DLC1: variants seen among roughly 807,000 people sequenced by gnomAD.
The protein encoded by DLC1 is rho GTPase-activating protein 7.
In DLC1, 54 loss-of-function variants were observed where a neutral mutation model predicts 140.3. The observed-to-expected ratio is 0.38, with a 90% CI of 0.31 to 0.48. The LOEUF is 0.48. Ranked by LOEUF, DLC1 falls within the 20% of genes least tolerant of loss-of-function variation. The probability of loss-of-function intolerance (pLI) is 0.96; values close to 1 mark genes in which losing one functional copy is unlikely to be tolerated. For synonymous variants in DLC1, 986 were observed against 728.1 expected (o/e 1.35, Z -5.70); for missense variants, 2,536 against 1,907.0 (o/e 1.33, Z -6.14).
At chr8:13,184,302 T>C (rs924376510) in intron 5 of DLC1, among the ~76,000 whole-genome samples, 5 of 152,008 alleles carry the variant, frequency 3.3e-5, no homozygotes, top group African/African-American at 1.2e-4. Flanking sequence ...GGGTTTTTTG[T>C]GTCTCTATCT....
chr8:13,456,638 T>A (rs1441419647), intron 2 of DLC1, among the ~76,000 whole-genome samples: 1 of 152,052 alleles, frequency 6.6e-6, no homozygotes, highest in Non-Finnish European at 1.5e-5. Context: ...TTTGTATTTT[T>A]AGTAGAGATG....
At chr8:13,279,224 C>A (rs147249662) in intron 5 of DLC1, among the ~76,000 whole-genome samples, 3 of 152,160 alleles carry the variant, frequency 2.0e-5, no homozygotes, top group Non-Finnish European at 2.9e-5. Context: ...CCAAGAGAAC[C>A]AAGGTCTGGT....
intron 2 of DLC1, among the ~76,000 whole-genome samples, chr8:13,419,483 TG>T (rs1034840022): frequency 6.6e-6 from 1 of 152,234 alleles, no homozygotes; most frequent in Non-Finnish European, 1.5e-5. Flanking sequence ...ATGTGGTTTT[TG>T]TCTTTGTTTC....
intron 1 of DLC1, among the ~76,000 whole-genome samples, chr8:13,569,190 T>C (rs548572836): frequency 6.6e-6 from 1 of 152,268 alleles, no homozygotes; most frequent in Admixed American, 6.5e-5. Context: ...TATAAAAATA[T>C]AAAACCATGG....
chr8:13,575,925 G>C (rs547155253), intron 1 of DLC1, among the ~76,000 whole-genome samples: 1 of 152,142 alleles, frequency 6.6e-6, no homozygotes, highest in Non-Finnish European at 1.5e-5. Flanking sequence ...TATCTGTGTG[G>C]CAAGAGAGTC....
intron 4 of DLC1, among the ~76,000 whole-genome samples, chr8:13,354,225 C>G: frequency 6.6e-6 from 1 of 152,054 alleles, no homozygotes; most frequent in East Asian, 1.9e-4. Context: ...ATGACTTTTT[C>G]TAGGAAGCCT....
chr8:13,564,506 A>T (rs562908976), intron 1 of DLC1, among the ~76,000 whole-genome samples: 4 of 152,180 alleles, frequency 2.6e-5, no homozygotes, highest in Non-Finnish European at 5.9e-5. Context: ...TCTCTCTTAT[A>T]CTTAAACTAG....
In DLC1 at chr8:13,321,265, C is replaced by T. The variant is rs375144588; in HGVS notation, c.1315-15963G>A. On this transcript the variant is annotated intron_variant, in intron 4 of 17. Transcript: ENST00000276297. ...ATTCAAAAATGAAATACTGGCCCGG[C>T]GCAATGGCTCATGCCTGTAATCTCA... 3.9e-3 allele frequency among the ~76,000 whole-genome samples: 588 copies of T among 152,200 alleles called. 4 individuals are homozygous for T. Among genetic ancestry groups the T allele is most frequent in the African/African-American group, 0.013 (534 of 41,530 alleles).
intron 4 of DLC1, among the ~76,000 whole-genome samples, chr8:13,387,695 A>G (rs1272452447): frequency 6.6e-6 from 1 of 152,106 alleles, no homozygotes; most frequent in Non-Finnish European, 1.5e-5. Flanking sequence ...AGTTGGAACA[A>G]ATGCAAATGA....
At chr8:13,286,495 A>G (rs186194126) in intron 5 of DLC1, among the ~76,000 whole-genome samples, 88 of 152,322 alleles carry the variant, frequency 5.8e-4, no homozygotes, top group Middle Eastern at 3.4e-3. Flanking sequence ...TTATAAAAGT[A>G]TAAAAACATG....
At chr8:13,601,635 G>T (rs921948886) in intron 1 of DLC1, among the ~76,000 whole-genome samples, 1 of 132,504 alleles carries the variant, frequency 7.5e-6, no homozygotes, top group African/African-American at 2.8e-5. Flanking sequence ...TAAAGAGCCA[G>T]GATAATAGAC....
chr8:13,403,450 C>G (rs1837385580), intron 2 of DLC1, among the ~76,000 whole-genome samples: 2 of 152,172 alleles, frequency 1.3e-5, no homozygotes, highest in Non-Finnish European at 2.9e-5. Context: ...CCAGTAATCA[C>G]TCTTCCCATG....
At chr8:13,315,708 A>C (rs1832838770) in intron 4 of DLC1, among the ~76,000 whole-genome samples, 1 of 151,950 alleles carries the variant, frequency 6.6e-6, no homozygotes, top group African/African-American at 2.4e-5. Flanking sequence ...CATCCCCCTC[A>C]CCCAGCTTTC....
At chr8:13,569,396 CTTAG>C (rs1804568203) in intron 1 of DLC1, among the ~76,000 whole-genome samples, 1 of 152,054 alleles carries the variant, frequency 6.6e-6, no homozygotes, top group East Asian at 1.9e-4. Context: ...CATATTTCCC[CTTAG>C]TAAGTCATTC....
chr8:13,284,292 C>T (rs1831465319), intron 5 of DLC1, among the ~76,000 whole-genome samples: 1 of 152,134 alleles, frequency 6.6e-6, no homozygotes, highest in South Asian at 2.1e-4. Flanking sequence ...TTTGGGAGGC[C>T]AAGGCGAGTG....
At chr8:13,139,654 A>C (rs1185182077) in intron 5 of DLC1, among the ~76,000 whole-genome samples, 1 of 152,188 alleles carries the variant, frequency 6.6e-6, no homozygotes, top group Non-Finnish European at 1.5e-5. Context: ...TTCCTTTTAA[A>C]GGCTATTTTA....
At chr8:13,500,314 T>G in intron 1 of DLC1, 118 bp from the exon 2 acceptor site, 1 of 385,620 alleles carries the variant, frequency 2.6e-6, no homozygotes. Flanking sequence ...ATAAAGCTTC[T>G]GTTTAGTAGC....
intron 2 of DLC1, among the ~76,000 whole-genome samples, chr8:13,481,200 G>T (rs1425570257): frequency 2.0e-5 from 3 of 152,138 alleles, no homozygotes; most frequent in Non-Finnish European, 4.4e-5. Context: ...CAAGGCAGCT[G>T]GATCACTTGA....
At chr8:13,345,324 G>A (rs1010130541) in intron 4 of DLC1, among the ~76,000 whole-genome samples, 3 of 151,960 alleles carry the variant, frequency 2.0e-5, no homozygotes, top group African/African-American at 4.8e-5. Context: ...GAAGAGAGTC[G>A]ATTCAATTCC....
Sources: allele counts gnomAD v4.1 joint callset (sites outside exome capture counted in the v4.1 genomes callset), GRCh38; gene constraint gnomAD v4.1.1; transcripts MANE v1.5; gene names NCBI Gene and HGNC (gene_info 2026-07-23, HGNC 2026-07-21).